SLC24A2: variants seen among roughly 807,000 people sequenced by gnomAD.
SLC24A2 encodes solute carrier family 24 member 2.
In SLC24A2, 36 loss-of-function variants were observed where a neutral mutation model predicts 62.0. The ratio of observed to expected loss-of-function variants is 0.58; its 90% CI spans 0.44 to 0.77. The LOEUF (loss-of-function observed/expected upper bound fraction) is 0.77, where lower values mean the gene tolerates loss of function less well. Ranked by LOEUF, SLC24A2 falls within the 30% of genes least tolerant of loss-of-function variation. The pLI is 0.00. For missense variants in SLC24A2, 846 were observed against 817.9 expected (o/e 1.03, Z -0.42); for synonymous variants, 358 against 294.0 (o/e 1.22, Z -2.23).
At chr9:19,775,580 A>G (rs941800326) in intron 2 of SLC24A2, among the ~76,000 whole-genome samples, 1 of 151,984 alleles carries the variant, frequency 6.6e-6, no homozygotes, top group Non-Finnish European at 1.5e-5. Flanking sequence ...TGGCTGAAAG[A>G]GTCCCAGTCA....
the SLC24A2 span, among the ~76,000 whole-genome samples, chr9:20,280,166 C>CA: frequency 1.3e-5 from 2 of 152,022 alleles, no homozygotes; most frequent in African/African-American, 2.4e-5. Context: ...AGAAAGGGAG[C>CA]AAAAAAGCTG....
chr9:20,227,090 T>A, the SLC24A2 span, among the ~76,000 whole-genome samples: 1 of 152,150 alleles, frequency 6.6e-6, no homozygotes, highest in African/African-American at 2.4e-5. Flanking sequence ...AACAAATCCC[T>A]TTTAGACTGT....
chr9:19,877,369 T>C, the SLC24A2 span, among the ~76,000 whole-genome samples: 6 of 140,334 alleles, frequency 4.3e-5, no homozygotes, highest in East Asian at 2.3e-4. Context: ...GGCTAAACTA[T>C]GGAGTTTGGC....
the SLC24A2 span, among the ~76,000 whole-genome samples, chr9:20,153,087 A>G: frequency 7.9e-5 from 12 of 152,072 alleles, no homozygotes; most frequent in African/African-American, 2.9e-4. Context: ...GAAACCTCAG[A>G]CAAAAAGAAA....
the SLC24A2 span, among the ~76,000 whole-genome samples, chr9:19,838,638 T>C: frequency 6.7e-6 from 1 of 148,734 alleles, no homozygotes; most frequent in African/African-American, 2.5e-5. Context: ...GACTCTGGTC[T>C]CAAAAAAAAA....
In SLC24A2 at chr9:19,785,936, C is replaced by A; in HGVS notation, c.930+1G>T. 1 of 1,614,184 alleles carries A rather than the reference C, an allele frequency of 6.2e-7. No individual in the cohort carries two copies. Among genetic ancestry groups the A allele is most frequent in the Non-Finnish European group, 8.5e-7 (1 of 1,180,008 alleles). On this transcript the variant is annotated splice_donor_variant, in intron 2 of 10. Transcript: ENST00000341998. LOFTEE classifies it high-confidence loss of function. ...TTAAATAAAAATCCACCACCACCAA[C>A]CTTTGCTTGGGCTTCTGGTGCTGTC... is the stretch of plus-strand genomic sequence containing the variant.
At chr9:19,903,039 C>T in the SLC24A2 span, among the ~76,000 whole-genome samples, 1 of 145,714 alleles carries the variant, frequency 6.9e-6, no homozygotes, top group African/African-American at 2.5e-5. Flanking sequence ...AAAAATCAGG[C>T]TTTTTTTTTT....
chr9:19,607,788 C>A (rs537594057), intron 4 of SLC24A2, among the ~76,000 whole-genome samples: 1 of 151,548 alleles, frequency 6.6e-6, no homozygotes, highest in African/African-American at 2.4e-5. Flanking sequence ...CAAAGCCAAC[C>A]TTTTCATTGG....
intron 8 of SLC24A2, among the ~76,000 whole-genome samples, chr9:19,541,874 AC>A (rs1338455711): frequency 4.4e-4 from 67 of 151,500 alleles, no homozygotes; most frequent in African/African-American, 1.5e-3. Flanking sequence ...TGGGCGTAGG[AC>A]CCTCTGAGCC....
intron 8 of SLC24A2, among the ~76,000 whole-genome samples, chr9:19,541,631 A>C: frequency 6.8e-6 from 1 of 148,074 alleles, no homozygotes; most frequent in Non-Finnish European, 1.5e-5. Flanking sequence ...GGGACACTTA[A>C]GTCTGCAGAG....
At chr9:20,208,769 T>C in the SLC24A2 span, among the ~76,000 whole-genome samples, 2 of 152,216 alleles carry the variant, frequency 1.3e-5, no homozygotes, top group Non-Finnish European at 2.9e-5. Context: ...AAGAGAGTCA[T>C]GACCGTGTTA....
the SLC24A2 span, among the ~76,000 whole-genome samples, chr9:20,127,774 C>T: frequency 6.6e-6 from 1 of 152,186 alleles, no homozygotes; most frequent in Non-Finnish European, 1.5e-5. Flanking sequence ...CTGGAGGGCA[C>T]GGAAGCAGCA....
the SLC24A2 span, among the ~76,000 whole-genome samples, chr9:20,171,814 A>G: frequency 6.6e-6 from 1 of 152,084 alleles, no homozygotes; most frequent in African/African-American, 2.4e-5. Context: ...ATCAAGACAG[A>G]AAGTCAACAA....
At chr9:19,825,896 A>G in the SLC24A2 span, among the ~76,000 whole-genome samples, 1 of 152,130 alleles carries the variant, frequency 6.6e-6, no homozygotes, top group Non-Finnish European at 1.5e-5. Context: ...GAAACCCTTA[A>G]AAGTGATTCA....
the SLC24A2 span, among the ~76,000 whole-genome samples, chr9:19,941,586 T>A: frequency 7.7e-6 from 1 of 129,356 alleles, no homozygotes; most frequent in African/African-American, 3.0e-5. Flanking sequence ...TGTGTGTGTG[T>A]GTGTGAGAGA....
chr9:19,646,163 C>G (rs939252258), intron 2 of SLC24A2, among the ~76,000 whole-genome samples: 1 of 152,164 alleles, frequency 6.6e-6, no homozygotes, highest in Non-Finnish European at 1.5e-5. Context: ...GGAATTCTGG[C>G]CACTTTGTGT....
At chr9:20,286,424 A>AC in the SLC24A2 span, among the ~76,000 whole-genome samples, 5 of 152,220 alleles carry the variant, frequency 3.3e-5, no homozygotes, top group Non-Finnish European at 7.3e-5. Context: ...TTGTACTAAC[A>AC]AGAATATAAC....
chr9:19,610,604 C>T (rs983817266), intron 4 of SLC24A2, among the ~76,000 whole-genome samples: 5 of 152,174 alleles, frequency 3.3e-5, no homozygotes, highest in African/African-American at 9.7e-5. Flanking sequence ...GACTCCAGGA[C>T]TAGAGAGAGA....
At chr9:19,645,288 A>C (rs1818610348) in intron 2 of SLC24A2, among the ~76,000 whole-genome samples, 1 of 152,190 alleles carries the variant, frequency 6.6e-6, no homozygotes, top group Non-Finnish European at 1.5e-5. Context: ...CATTTTAGGA[A>C]TATCTTGTAT....
Sources: allele counts gnomAD v4.1 joint callset (sites outside exome capture counted in the v4.1 genomes callset), GRCh38; gene constraint gnomAD v4.1.1; transcripts MANE v1.5; gene names NCBI Gene and HGNC (gene_info 2026-07-23, HGNC 2026-07-21).